Variants in ZEB2 observed in about 807,000 individuals in gnomAD.
ZEB2 encodes the protein zinc finger E-box binding homeobox 2.
ZEB2 carries 6 observed loss-of-function variants against 99.9 expected under a neutral mutation model. The observed-to-expected ratio is 0.06, with a 90% CI of 0.03 to 0.12. ZEB2 has a LOEUF of 0.12. Ranked by LOEUF, ZEB2 falls within the 10% of genes least tolerant of loss-of-function variation. The pLI is 1.00. For missense variants in ZEB2, 969 were observed against 1,502.8 expected, an observed-to-expected ratio of 0.64 and a Z score of 5.87; for synonymous variants, 517 against 542.5, an observed-to-expected ratio of 0.95 and a Z score of 0.65.
chr2:144,513,501 T>G (rs1021060185), intron 2 of ZEB2: 2 of 1,524,604 alleles, frequency 1.3e-6, no homozygotes, highest in Non-Finnish European at 8.8e-7. Flanking sequence ...TCAGTTTTTC[T>G]TTAAAAGACA....
At chr2:144,391,398 G>C (rs932888631) in intron 9 of ZEB2, among the ~76,000 whole-genome samples, 2 of 152,132 alleles carry the variant, frequency 1.3e-5, no homozygotes, top group East Asian at 3.8e-4. Context: ...GATATTTGTT[G>C]GTGACTACTA....
intron 9 of ZEB2, 93 bp downstream of exon 9, chr2:144,396,319 T>C: frequency 1.3e-6 from 2 of 1,495,522 alleles, no homozygotes; most frequent in Non-Finnish European, 1.9e-6. Flanking sequence ...TCAGCATATG[T>C]TACATCTTAT....
In ZEB2 at chr2:144,398,921, G is replaced by C. The variant is rs1703267953; in HGVS notation, c.2266C>G (p.Pro756Ala). ...GAAGGTTTTGTTAGCCTGAGAGGAG[G>C]ATCACAATTCGTAACACTGTTGTGG... is the stretch of plus-strand genomic sequence containing the variant. Reference protein sequence around the residue: ...ELHNSVTNCDPPLRLTKPSHF... With the variant: ...ELHNSVTNCDAPLRLTKPSHF... Residue 756 changes from proline (P) to alanine (A), a missense_variant, in exon 8 of 10, where the codon CCT becomes GCT. Transcript: ENST00000627532. The C allele has an allele frequency of 1.9e-6, 3 of 1,614,158 alleles. 1 individual carries two copies. Among genetic ancestry groups the C allele is most frequent in the East Asian group, 4.5e-5 (2 of 44,886 alleles).
intron 4 of ZEB2, among the ~76,000 whole-genome samples, chr2:144,406,063 A>G (rs758010739): frequency 6.6e-6 from 1 of 152,208 alleles, no homozygotes; most frequent in East Asian, 1.9e-4. Context: ...TGGTGCCACG[A>G]GATTCTTCAC....
chr2:144,489,848 G>A (rs573156604), intron 2 of ZEB2, among the ~76,000 whole-genome samples: 77 of 152,266 alleles, frequency 5.1e-4, no homozygotes, highest in Non-Finnish European at 4.1e-4. Flanking sequence ...CAGCAAACTC[G>A]AACCATTTTG....
chr2:144,459,441 C>T (rs1573768708), intron 2 of ZEB2, among the ~76,000 whole-genome samples: 2 of 152,258 alleles, frequency 1.3e-5, no homozygotes, highest in South Asian at 4.1e-4. Context: ...GATTTCAGAA[C>T]TGCCATGGGG....
At chr2:144,441,311 G>A (rs1049404523) in intron 2 of ZEB2, among the ~76,000 whole-genome samples, 7 of 151,898 alleles carry the variant, frequency 4.6e-5, no homozygotes, top group Admixed American at 2.0e-4. Flanking sequence ...TGCTGACCCT[G>A]GCCGCTTGGC....
At chr2:144,449,444 CT>C (rs760735585) in intron 2 of ZEB2, among the ~76,000 whole-genome samples, 2 of 152,198 alleles carry the variant, frequency 1.3e-5, no homozygotes, top group Non-Finnish European at 2.9e-5. Flanking sequence ...AGTAACACCC[CT>C]CATCCCTAAA....
At chr2:144,445,699 T>C (rs923064609) in intron 2 of ZEB2, among the ~76,000 whole-genome samples, 1 of 151,666 alleles carries the variant, frequency 6.6e-6, no homozygotes, top group Non-Finnish European at 1.5e-5. Context: ...ATGACAGAAA[T>C]GCACCCCTCA....
chr2:144,402,275 C>A (rs944189644), intron 6 of ZEB2, among the ~76,000 whole-genome samples: 20 of 152,106 alleles, frequency 1.3e-4, no homozygotes, highest in Non-Finnish European at 2.4e-4. Flanking sequence ...AGCAATGACA[C>A]AAAAGCCTTT....
chr2:144,486,042 G>C (rs926406300), intron 2 of ZEB2, among the ~76,000 whole-genome samples: 2 of 152,048 alleles, frequency 1.3e-5, no homozygotes, highest in Non-Finnish European at 1.5e-5. Context: ...CATTTTTAAG[G>C]CTTCAGTGTA....
In ZEB2 at chr2:144,493,758, A is replaced by C. The variant is rs546411388; in HGVS notation, c.73+23520T>G. On this transcript the variant is annotated intron_variant, in intron 2 of 9. Coordinates refer to ENST00000627532, the MANE Select transcript of ZEB2 (RefSeq NM_014795.4). ...TTGTGTAACCTCTTTGTGATATTAA[A>C]ATAGTATCTTAAATTCCCATCCCAT... Among the ~76,000 whole-genome samples the C allele has an allele frequency of 3.9e-5, 6 of 152,266 alleles. No individual in the cohort carries two copies. The East Asian group carries it at 1.2e-3, about 29-fold the overall frequency.
intron 6 of ZEB2, 76 bp from the exon 7 acceptor site, chr2:144,401,383 G>T: frequency 6.8e-7 from 1 of 1,463,964 alleles, no homozygotes; most frequent in South Asian, 1.1e-5. Flanking sequence ...TTTTTAAAAG[G>T]CCTCTGTTTT....
chr2:144,405,508 T>G (rs1029216004), intron 4 of ZEB2: 1 of 172,480 alleles, frequency 5.8e-6, no homozygotes, highest in Non-Finnish European at 1.2e-5. Flanking sequence ...ATATAAGTTT[T>G]TAACCCTCCA....
chr2:144,440,509 ATATATATTTTTTTTTTTTTTTTTTTT>A (rs1306538801), intron 2 of ZEB2, among the ~76,000 whole-genome samples: 1 of 28,950 alleles, frequency 3.5e-5, no homozygotes, highest in African/African-American at 1.1e-4. Flanking sequence ...ATATATATAT[ATATATATTTTTTTTTTTTTTTTTTTT>A]TTTTTTTAAC....
intron 3 of ZEB2, chr2:144,426,891 T>A (rs528274054): frequency 6.6e-6 from 1 of 152,318 alleles, no homozygotes; most frequent in South Asian, 2.1e-4. Context: ...GTTATGTATA[T>A]GCCTATTTAA....
At chr2:144,451,399 A>G (rs1704052973) in intron 2 of ZEB2, among the ~76,000 whole-genome samples, 1 of 152,202 alleles carries the variant, frequency 6.6e-6, no homozygotes, top group South Asian at 2.1e-4. Context: ...ATAAATATCC[A>G]GAAGGGACCT....
intron 2 of ZEB2, among the ~76,000 whole-genome samples, chr2:144,437,533 A>T (rs1703854453): frequency 6.6e-6 from 1 of 152,216 alleles, no homozygotes; most frequent in Non-Finnish European, 1.5e-5. Context: ...TTACAGAAAA[A>T]ATATGCTCAC....
At chr2:144,413,608 C>A (rs1703494679) in intron 4 of ZEB2, among the ~76,000 whole-genome samples, 3 of 152,214 alleles carry the variant, frequency 2.0e-5, no homozygotes, top group Admixed American at 1.3e-4. Context: ...ACTTCCCTGA[C>A]AGATGTCTGA....
Sources: allele counts gnomAD v4.1 joint callset (sites outside exome capture counted in the v4.1 genomes callset), GRCh38; gene constraint gnomAD v4.1.1; transcripts MANE v1.5; gene names NCBI Gene and HGNC (gene_info 2026-07-23, HGNC 2026-07-21).